The following HIRA variants were observed in gnomAD, a reference collection of about 807,000 sequenced individuals.
The protein encoded by HIRA is histone cell cycle regulator, also known as protein HIRA.
HIRA carries 13 observed loss-of-function variants against 126.6 expected under a neutral mutation model. The ratio of observed to expected loss-of-function variants is 0.10; its 90% CI spans 0.07 to 0.16. The LOEUF is 0.16. Ranked by LOEUF, HIRA falls within the 10% of genes least tolerant of loss-of-function variation. The pLI is 1.00. For synonymous variants in HIRA, 511 were observed against 520.0 expected (o/e 0.98, Z 0.24); for missense variants, 834 against 1,314.4 (o/e 0.63, Z 5.65).
At chr22:19,350,162 C>T (rs2088739717) in intron 24 of HIRA, among the ~76,000 whole-genome samples, 1 of 150,126 alleles carries the variant, frequency 6.7e-6, no homozygotes, top group Non-Finnish European at 1.5e-5. Context: ...CCCATGGCAT[C>T]CATCACCACT....
chr22:19,336,036 T>C (rs1345233357), intron 24 of HIRA, among the ~76,000 whole-genome samples: 1 of 152,256 alleles, frequency 6.6e-6, no homozygotes, highest in African/African-American at 2.4e-5. Flanking sequence ...CATCCTTTGT[T>C]AGATTTATTC....
At chr22:19,378,328 C>A (rs997678415) in intron 13 of HIRA, among the ~76,000 whole-genome samples, 1 of 152,222 alleles carries the variant, frequency 6.6e-6, no homozygotes, top group Non-Finnish European at 1.5e-5. Flanking sequence ...CTGTACAACA[C>A]ACCCAAATCT....
In HIRA at chr22:19,431,578, T is replaced by G; in HGVS notation, c.-102A>C. On this transcript the variant is annotated 5_prime_UTR_variant, in exon 1 of 25. Coordinates refer to ENST00000263208, the MANE Select transcript of HIRA (RefSeq NM_003325.4). ...CCGCTTCCTCCCGCGCCACCCGCCC[T>G]CCGGCCGCCGCCCGCCCCGCGCCCT... 1 of 951,618 alleles carries G rather than the reference T, an allele frequency of 1.1e-6. No individual in the cohort carries two copies. The highest frequency in any genetic ancestry group is 1.2e-6 in the Non-Finnish European group (1 of 800,702). The allele number at this position is 951,618 out of a possible 1,614,324, so 58.9% of individuals were successfully genotyped here.
At chr22:19,396,168 A>G (rs757235672) in intron 7 of HIRA, among the ~76,000 whole-genome samples, 3 of 152,166 alleles carry the variant, frequency 2.0e-5, no homozygotes, top group Non-Finnish European at 4.4e-5. Context: ...TGTGGGAGTG[A>G]GCTGGGTGAC....
intron 15 of HIRA, 61 bp downstream of exon 15, chr22:19,375,570 G>A (rs985401128): frequency 2.6e-6 from 4 of 1,566,080 alleles, no homozygotes; most frequent in East Asian, 2.2e-5. Context: ...CACTGCCACT[G>A]TGCTGTTGAC....
chr22:19,361,374 T>C, intron 16 of HIRA, 33 bp from the exon 17 acceptor site: 1 of 1,574,366 alleles, frequency 6.4e-7, no homozygotes, highest in South Asian at 1.1e-5. Context: ...TGAGCCTTGC[T>C]CTAACACTAC....
At chr22:19,385,833 C>A (rs1002807826) in intron 11 of HIRA, 97 bp from the exon 12 acceptor site, 9 of 1,218,066 alleles carry the variant, frequency 7.4e-6, no homozygotes, top group Non-Finnish European at 1.1e-5. Context: ...TCTCCTGGCT[C>A]TGAGTGGAGA....
chr22:19,358,752 G>A (rs1556013450), intron 18 of HIRA, among the ~76,000 whole-genome samples: 1 of 152,184 alleles, frequency 6.6e-6, no homozygotes, highest in Non-Finnish European at 1.5e-5. Context: ...TGACTGGGAT[G>A]CTACATCAGA....
intron 15 of HIRA, among the ~76,000 whole-genome samples, chr22:19,370,175 A>C (rs1023956145): frequency 6.6e-6 from 1 of 151,764 alleles, no homozygotes; most frequent in African/African-American, 2.4e-5. Context: ...CTGGTCTCCA[A>C]CTCCTAACCT....
Position 19,431,565 on chromosome 22 carries a change from G to C in HIRA, c.-89C>G. Reference sequence around the variant, plus strand: ...GGAGCCACCGCCGCCGCTTCCTCCCGCGCCACCCGCCCTCCGGCCGCCGCC... The same window carrying C: ...GGAGCCACCGCCGCCGCTTCCTCCCCCGCCACCCGCCCTCCGGCCGCCGCC... On this transcript the variant is annotated 5_prime_UTR_variant, in exon 1 of 25. Transcript: ENST00000263208. The C allele has an allele frequency of 1.0e-6, 1 of 999,234 alleles. No homozygotes were observed. Among genetic ancestry groups the C allele is most frequent in the Non-Finnish European group, 1.2e-6 (1 of 836,944 alleles). The allele number at this position is 999,234 out of a possible 1,614,324, so 61.9% of individuals were successfully genotyped here.
chr22:19,409,526 G>A (rs902022035), intron 2 of HIRA, among the ~76,000 whole-genome samples: 4 of 151,982 alleles, frequency 2.6e-5, no homozygotes, highest in Non-Finnish European at 5.9e-5. Flanking sequence ...CAGATGATTC[G>A]CCTGCCTTGG....
chr22:19,391,877 G>T (rs1289307996), intron 9 of HIRA, among the ~76,000 whole-genome samples: 2 of 152,226 alleles, frequency 1.3e-5, no homozygotes, highest in Non-Finnish European at 2.9e-5. Flanking sequence ...AGCTGGTCTA[G>T]GTGGGGGTCA....
At chr22:19,426,610 A>T (rs78389826) in intron 1 of HIRA, among the ~76,000 whole-genome samples, 3 of 152,044 alleles carry the variant, frequency 2.0e-5, no homozygotes, top group Non-Finnish European at 4.4e-5. Flanking sequence ...TTGTATGTCA[A>T]TCTCTCTCAT....
At chr22:19,414,901 C>T (rs1212527270) in intron 1 of HIRA, among the ~76,000 whole-genome samples, 2 of 151,248 alleles carry the variant, frequency 1.3e-5, no homozygotes, top group African/African-American at 4.9e-5. Flanking sequence ...CAAAACAAAA[C>T]AAAAAATATA....
rs147296711 is a variant in HIRA, at chr22:19,412,558, C to T, written c.38-1780G>A. Among the ~76,000 whole-genome samples, 219 of 152,328 alleles carry T rather than the reference C, an allele frequency of 1.4e-3. 1 individual carries two copies. The highest frequency in any genetic ancestry group is 5.1e-3 in the African/African-American group (211 of 41,580). ...TTCTAGCTGACAGCTTTGGTCTTGA[C>T]GGGCAATCAGGGCGGAACATTCCCC... On this transcript the variant is annotated intron_variant, in intron 1 of 24. Coordinates refer to ENST00000263208, the MANE Select transcript of HIRA (RefSeq NM_003325.4).
chr22:19,363,045 C>A (rs1000262032), intron 15 of HIRA, among the ~76,000 whole-genome samples: 2 of 150,998 alleles, frequency 1.3e-5, no homozygotes, highest in African/African-American at 4.9e-5. Context: ...ACCGTCCTGG[C>A]CAACACGGTG....
At chr22:19,334,044 G>A (rs1048524489) in intron 24 of HIRA, among the ~76,000 whole-genome samples, 6 of 150,408 alleles carry the variant, frequency 4.0e-5, no homozygotes, top group Non-Finnish European at 8.9e-5. Context: ...GTGTGATCTC[G>A]GCTCACTGCA....
intron 5 of HIRA, among the ~76,000 whole-genome samples, chr22:19,400,545 G>C (rs916595): frequency 3.9e-5 from 6 of 151,976 alleles, no homozygotes; most frequent in African/African-American, 1.5e-4. Context: ...TTCCAGATAC[G>C]ATCCTTTAGA....
chr22:19,359,445 C>T lies in HIRA; in HGVS notation c.2125G>A (p.Glu709Lys). 6.2e-7 allele frequency: 1 copy of T among 1,609,924 alleles called. No individual in the cohort carries two copies. The highest frequency in any genetic ancestry group is 8.5e-7 in the Non-Finnish European group (1 of 1,178,338). Residue 709 changes from glutamate to lysine, a missense_variant, in exon 18 of 25, where the codon GAA becomes AAA. By Grantham distance (56) the Glu-to-Lys change is moderately conservative (BLOSUM62 1). This residue lies in a region of HIRA where 468 missense variants were observed against 574.2 expected (regional missense o/e 0.82). Transcript: ENST00000263208. ...TTCACGCCCCCCACCACTGTCACTT[C>T]ATTCTCCACCTCAATGTACATGGAA... ...DPSMYIEVEN[E>K]VTVVGGVKLS...
Sources: gnomAD v4.1 joint callset for allele counts (sites outside exome capture counted in the v4.1 genomes callset) on GRCh38, gnomAD v4.1.1 for gene constraint, gnomAD v4.1.1 regional missense constraint, MANE v1.5 for transcripts, NCBI Gene and HGNC (gene_info 2026-07-23, HGNC 2026-07-21) for gene names.